The following ADAMTSL2 variants were observed in gnomAD, a reference collection of about 807,000 sequenced individuals.
The protein encoded by ADAMTSL2 is ADAMTS-like protein 2.
A neutral mutation model predicts 117.0 loss-of-function variants in ADAMTSL2; 55 were observed. That is an observed-to-expected ratio of 0.47 (90% CI 0.38 to 0.59). ADAMTSL2 has a LOEUF of 0.59. Among genes scored for constraint, ADAMTSL2 ranks in the 20% least tolerant of loss-of-function variants. ADAMTSL2 has a pLI of 0.00. For synonymous variants in ADAMTSL2, 572 were observed against 566.4 expected, an observed-to-expected ratio of 1.01 and a Z score of -0.14; for missense variants, 1,182 against 1,354.5, an observed-to-expected ratio of 0.87 and a Z score of 2.00.
rs997637270 is a variant in ADAMTSL2, at chr9:133,570,323, G to C, written c.2416-8G>C. 5.2e-6 allele frequency: 8 copies of C among 1,541,704 alleles called. No homozygotes were observed. In the South Asian group the frequency reaches 9.5e-5, roughly 18 times the overall value. ...GGCGCTGACCCGCTCCCTCTGCCCC[G>C]GCCTCAGTGCAACACCACCTGCGGG... On this transcript the variant is annotated splice_polypyrimidine_tract_variant and splice_region_variant and intron_variant, in intron 16 of 18. Transcript: ENST00000651351.
chr9:133,568,437 G>T lies in ADAMTSL2; in HGVS notation c.2039G>T (p.Cys680Phe). The T allele has an allele frequency of 6.2e-7, 1 of 1,609,004 alleles. No homozygotes were observed. Among genetic ancestry groups the T allele is most frequent in the Non-Finnish European group, 8.5e-7 (1 of 1,178,566 alleles). ...EAVRPEERKT[C>F]RNPACGPQWE... Reference sequence around the variant, plus strand: ...GTGCGGCCCGAGGAACGCAAGACCTGCCGGAACCCCGCCTGCGGGCCCCAG... The same window carrying T: ...GTGCGGCCCGAGGAACGCAAGACCTTCCGGAACCCCGCCTGCGGGCCCCAG... The change falls in exon 14 of 19, where the codon TGC becomes TTC. Residue 680 changes from cysteine to phenylalanine, a missense_variant. Coordinates refer to ENST00000651351, the MANE Select transcript of ADAMTSL2 (RefSeq NM_014694.4).
intron 18 of ADAMTSL2, 44 bp downstream of exon 18, chr9:133,574,031 G>A: frequency 6.3e-7 from 1 of 1,584,040 alleles, no homozygotes; most frequent in East Asian, 2.3e-5. Flanking sequence ...AATTCCCAGG[G>A]GAGGCGAGGA....
rs1830652911 is a variant in ADAMTSL2, at chr9:133,558,311, C to T, written c.1649+2381C>T. Among the ~76,000 whole-genome samples, 2 of 152,196 alleles carry T rather than the reference C, an allele frequency of 1.3e-5. No individual in the cohort carries two copies. The highest frequency in any genetic ancestry group is 2.9e-5 in the Non-Finnish European group (2 of 68,032). ...GGGCAGAGGGAGGCGGCGGGGGAAACCACCAGGCCAAAATAGCCACGTCTC... is the reference window on the plus strand; with the variant it reads ...GGGCAGAGGGAGGCGGCGGGGGAAATCACCAGGCCAAAATAGCCACGTCTC... On this transcript the variant is annotated intron_variant, in intron 11 of 18. Transcript: ENST00000651351. This position sits in a 1 kb window ranked among gnomAD's most constrained non-coding sequence, Gnocchi z 4.3.
At position 133,575,149 on chromosome 9, in the gene ADAMTSL2, GC is replaced by G. The variant is rs67336169; in HGVS notation, c.*291del. On this transcript the variant is annotated 3_prime_UTR_variant, in exon 19 of 19. Transcript: ENST00000651351. The stretch of plus-strand genomic sequence containing the variant: ...CTGTGTTTGTGGCTCCCACTCCCCA[GC>G]CCCCCAGCAGCCCCCAGCCGAGGGG... 130,173 of 460,304 alleles carry G rather than the reference GC, an allele frequency of 0.28. 20,979 individuals carry two copies. Among genetic ancestry groups the G allele is most frequent in the East Asian group, 0.53 (12,628 of 23,822 alleles). The allele number at this position is 460,304 out of a possible 1,614,324, so 28.5% of individuals were successfully genotyped here. A position where few individuals can be genotyped will look rare whatever the true frequency, so the allele number is the denominator to read the frequency against.
rs1588292982 is a variant in ADAMTSL2 at position 133,554,217 on chromosome 9, C to T, written c.940-140C>T. ...GGCAGGAGCACTGCGTTGGGCTGGGCTAGTCAGTGTCATTCCCTGAGGGGG... is the reference window on the plus strand; with the variant it reads ...GGCAGGAGCACTGCGTTGGGCTGGGTTAGTCAGTGTCATTCCCTGAGGGGG... On this transcript the variant is annotated intron_variant, in intron 9 of 18. Transcript: ENST00000651351. The surrounding 1 kb of genome is among the most constrained non-coding windows in gnomAD (Gnocchi z 5.2). 5.1e-6 allele frequency: 4 copies of T among 777,782 alleles called. No individual in the cohort carries two copies. In the South Asian group the frequency reaches 5.4e-5, roughly 11 times the overall value. The allele number at this position is 777,782 out of a possible 1,614,324, so 48.2% of individuals were successfully genotyped here.
intron 9 of ADAMTSL2, among the ~76,000 whole-genome samples, chr9:133,551,362 G>C (rs1830479181): frequency 6.6e-6 from 1 of 152,164 alleles, no homozygotes; most frequent in South Asian, 2.1e-4. Flanking sequence ...GTCTTGGATG[G>C]GGGAGTTTGG....
chr9:133,547,297 C>T, intron 9 of ADAMTSL2, 84 bp downstream of exon 9: 1 of 1,402,802 alleles, frequency 7.1e-7, no homozygotes, highest in Non-Finnish European at 9.8e-7. Flanking sequence ...GTCTTCCAGC[C>T]CGTGACGCCC....
intron 12 of ADAMTSL2, among the ~76,000 whole-genome samples, chr9:133,564,324 G>GAGAGAGAGAA (rs1491102349): frequency 2.1e-5 from 1 of 46,926 alleles, no homozygotes; most frequent in Non-Finnish European, 4.3e-5. Flanking sequence ...AAGAGAGAGG[G>GAGAGAGAGAA]AGAGAGAGAA....
At chr9:133,539,553 G>A (rs903125374) in intron 4 of ADAMTSL2, among the ~76,000 whole-genome samples, 1 of 124,762 alleles carries the variant, frequency 8.0e-6, no homozygotes, top group Non-Finnish European at 1.7e-5. Flanking sequence ...GGGCTGGCGT[G>A]GGGGGCGGAG....
chr9:133,553,664 C>T (rs1224551729), intron 9 of ADAMTSL2, among the ~76,000 whole-genome samples: 4 of 152,204 alleles, frequency 2.6e-5, no homozygotes, highest in East Asian at 1.9e-4. Flanking sequence ...TCTGCCAGCC[C>T]GTGACCCTCT....
Position 133,557,043 on chromosome 9 carries a change from C to G in ADAMTSL2, c.1649+1113C>G, listed in dbSNP as rs1041886064. On this transcript the variant is annotated intron_variant, in intron 11 of 18. Coordinates refer to ENST00000651351, the MANE Select transcript of ADAMTSL2 (RefSeq NM_014694.4). The surrounding 1 kb of genome is among the most constrained non-coding windows in gnomAD (Gnocchi z 5.2). ...CCAACCCAAGCCCTTTGACTTTAGACGCAAGCATGAACTGAACCCGGCCTG... is the reference window on the plus strand; with the variant it reads ...CCAACCCAAGCCCTTTGACTTTAGAGGCAAGCATGAACTGAACCCGGCCTG... 6.6e-6 allele frequency among the ~76,000 whole-genome samples: 1 copy of G among 152,174 alleles called. No homozygotes were observed. The highest frequency in any genetic ancestry group is 1.5e-5 in the Non-Finnish European group (1 of 68,016).
chr9:133,551,175 GC>G (rs1294347146), intron 9 of ADAMTSL2, among the ~76,000 whole-genome samples: 2 of 152,168 alleles, frequency 1.3e-5, no homozygotes, highest in African/African-American at 4.8e-5. Context: ...CTTTTTCCAG[GC>G]CAGTCCTGGA....
rs1588292992 is a variant in ADAMTSL2 at position 133,554,236 on chromosome 9, G to A, written c.940-121G>A. 1.1e-6 allele frequency: 1 copy of A among 925,946 alleles called. No homozygotes were observed. The highest frequency in any genetic ancestry group is 1.7e-5 in the African/African-American group (1 of 60,456). 57.4% of individuals were successfully genotyped at this position (925,946 alleles called of 1,614,324 possible). ...GCTGGGCTAGTCAGTGTCATTCCCT[G>A]AGGGGGCTCAACTGCCAGTCACAGC... On this transcript the variant is annotated intron_variant, in intron 9 of 18. Coordinates refer to ENST00000651351, the MANE Select transcript of ADAMTSL2 (RefSeq NM_014694.4). This position sits in a 1 kb window ranked among gnomAD's most constrained non-coding sequence, Gnocchi z 5.2.
chr9:133,565,220 G>C (rs1186962353), intron 12 of ADAMTSL2, among the ~76,000 whole-genome samples: 1 of 152,040 alleles, frequency 6.6e-6, no homozygotes, highest in Non-Finnish European at 1.5e-5. Context: ...TCATGAAGAG[G>C]GTGCCCAGAA....
chr9:133,544,942 C>T (rs1302425307), intron 8 of ADAMTSL2, among the ~76,000 whole-genome samples: 2 of 152,112 alleles, frequency 1.3e-5, no homozygotes, highest in Admixed American at 6.5e-5. Context: ...GAGAGGAAGT[C>T]GGTGCAGAGG....
intron 4 of ADAMTSL2, among the ~76,000 whole-genome samples, chr9:133,539,193 G>A (rs1830131240): frequency 6.6e-6 from 1 of 152,218 alleles, no homozygotes; most frequent in Non-Finnish European, 1.5e-5. Flanking sequence ...GGGCAGTGCA[G>A]CCAGGGTTGG....
intron 4 of ADAMTSL2, 92 bp from the exon 5 acceptor site, chr9:133,539,679 C>A (rs1830157781): frequency 7.5e-7 from 1 of 1,331,724 alleles, no homozygotes; most frequent in Non-Finnish European, 1.0e-6. Context: ...TCCCGGCTGT[C>A]CCGGCTGCAG....
Position 133,575,095 on chromosome 9 carries a change from G to T in ADAMTSL2, c.*231G>T. ...CCCCAGACAGAGCCACCCCTGCCGT[G>T]GGAACCTGTCCGTGTTCCTGCGTGG... On this transcript the variant is annotated 3_prime_UTR_variant, in exon 19 of 19. Transcript: ENST00000651351. 1 of 575,118 alleles carries T rather than the reference G, an allele frequency of 1.7e-6. No individual in the cohort carries two copies. The highest frequency in any genetic ancestry group is 3.1e-6 in the Non-Finnish European group (1 of 320,058). The allele number at this position is 575,118 out of a possible 1,614,324, so 35.6% of individuals were successfully genotyped here.
At chr9:133,559,765 G>A (rs1830686318) in intron 11 of ADAMTSL2, among the ~76,000 whole-genome samples, 1 of 152,132 alleles carries the variant, frequency 6.6e-6, no homozygotes, top group African/African-American at 2.4e-5. Context: ...AAGCTCCCAG[G>A]TGAAGGAGGC....
Sources: allele counts gnomAD v4.1 joint callset (sites outside exome capture counted in the v4.1 genomes callset), GRCh38; gene constraint gnomAD v4.1.1; non-coding constraint Gnocchi (gnomAD v3.1); transcripts MANE v1.5; gene names NCBI Gene and HGNC (gene_info 2026-07-23, HGNC 2026-07-21).